NUP107: variants seen among roughly 807,000 people sequenced by gnomAD.
NUP107 encodes the protein nuclear pore complex protein Nup107.
NUP107 carries 101 observed loss-of-function variants against 141.0 expected under a neutral mutation model. The observed-to-expected ratio is 0.72, with a 90% CI of 0.61 to 0.84. The LOEUF (loss-of-function observed/expected upper bound fraction) is 0.84. NUP107 is among the 40% of genes least tolerant of loss of function. The probability of loss-of-function intolerance (pLI) is 0.00; values close to 1 mark genes in which losing one functional copy is unlikely to be tolerated. For missense variants in NUP107, 941 were observed against 1,102.7 expected, an observed-to-expected ratio of 0.85 and a Z score of 2.08; for synonymous variants, 319 against 363.9, an observed-to-expected ratio of 0.88 and a Z score of 1.41.
intron 7 of NUP107, among the ~76,000 whole-genome samples, chr12:68,702,175 G>T (rs796624060): frequency 4.6e-5 from 7 of 152,268 alleles, no homozygotes; most frequent in African/African-American, 1.7e-4. Context: ...TTTTAGTAGA[G>T]ACAGGGTTTT....
chr12:68,690,667 A>C lies in NUP107; in HGVS notation c.224A>C (p.Asp75Ala), dbSNP rs1460286248. 6.2e-7 allele frequency: 1 copy of C among 1,614,036 alleles called. No individual in the cohort carries two copies. Among genetic ancestry groups the C allele is most frequent in the Non-Finnish European group, 8.5e-7 (1 of 1,180,014 alleles). Residue 75 changes from aspartate to alanine, a missense_variant, in exon 4 of 28, where the codon GAT (aspartate) becomes GCT (alanine). By Grantham distance (126) the Asp-to-Ala change is moderately radical. Coordinates refer to ENST00000229179, the MANE Select transcript of NUP107 (RefSeq NM_020401.4). ...PTSRSLLRQPDISCILGTGGK... is the reference protein window; with the variant it reads ...PTSRSLLRQPAISCILGTGGK... ...AGCCGAAGCTTACTAAGGCAGCCAG[A>C]TATTTCCTGCATTCTTGGAACAGGA...
chr12:68,719,674 C>T lies in NUP107; in HGVS notation c.1251+20C>T, dbSNP rs758713933. ...GAAGATGTAAGATAAATAAAATATT[C>T]AGTGATACTGTTTTTAACTCCAATT... is the stretch of plus-strand genomic sequence containing the variant. On this transcript the variant is annotated intron_variant, in intron 14 of 27. Coordinates refer to ENST00000229179, the MANE Select transcript of NUP107 (RefSeq NM_020401.4). The T allele has an allele frequency of 7.2e-6, 11 of 1,525,026 alleles. No homozygotes were observed. The highest frequency in any genetic ancestry group is 1.0e-5 in the Non-Finnish European group (11 of 1,099,720). 94.5% of individuals were successfully genotyped at this position (1,525,026 alleles called of 1,614,324 possible).
At chr12:68,718,983 G>T (rs1877235182) in intron 12 of NUP107, among the ~76,000 whole-genome samples, 2 of 152,100 alleles carry the variant, frequency 1.3e-5, no homozygotes, top group African/African-American at 4.8e-5. Context: ...CTGCCTCCTG[G>T]GTTCAAGCGA....
At chr12:68,697,015 T>G (rs1876100177) in intron 6 of NUP107, 93 bp downstream of exon 6, 1 of 680,854 alleles carries the variant, frequency 1.5e-6, no homozygotes, top group Non-Finnish European at 2.4e-6. Flanking sequence ...TTAAGGGAGG[T>G]GTCTTAGGGG....
chr12:68,706,435 C>T (rs1472277005), intron 8 of NUP107: 15 of 797,358 alleles, frequency 1.9e-5, no homozygotes, highest in Admixed American at 3.7e-5. Context: ...AGGCACCGTA[C>T]GAGGAGATCG....
intron 7 of NUP107, 52 bp downstream of exon 7, chr12:68,700,905 C>T (rs760566861): frequency 6.9e-7 from 1 of 1,450,296 alleles, no homozygotes. Flanking sequence ...AATAAACCAA[C>T]AGGCAAATTA....
intron 8 of NUP107, chr12:68,706,558 T>C: frequency 1.5e-6 from 1 of 680,156 alleles, no homozygotes; most frequent in Non-Finnish European, 2.7e-6. Flanking sequence ...ATCTCCAAGA[T>C]GAACAGGAAC....
At chr12:68,704,343 A>G (rs769131118) in intron 8 of NUP107, among the ~76,000 whole-genome samples, 6 of 152,220 alleles carry the variant, frequency 3.9e-5, no homozygotes, top group African/African-American at 7.2e-5. Flanking sequence ...TCCAAAATAA[A>G]CCAGCTATAT....
intron 17 of NUP107, among the ~76,000 whole-genome samples, chr12:68,724,395 T>G (rs1201924720): frequency 6.6e-6 from 1 of 152,108 alleles, no homozygotes; most frequent in Non-Finnish European, 1.5e-5. Flanking sequence ...ATTCCAAAAT[T>G]AGCATAAAAA....
chr12:68,688,478 C>G (rs913876438), intron 1 of NUP107, among the ~76,000 whole-genome samples: 1 of 152,158 alleles, frequency 6.6e-6, no homozygotes, highest in African/African-American at 2.4e-5. Flanking sequence ...TTCTATCTCA[C>G]AAGCTCTGTT....
intron 8 of NUP107, among the ~76,000 whole-genome samples, chr12:68,704,967 C>G (rs1213566814): frequency 1.3e-5 from 2 of 151,704 alleles, no homozygotes; most frequent in South Asian, 4.2e-4. Context: ...ACTGCAGCCT[C>G]GAACTCTTGG....
At chr12:68,735,954 C>CCAT (rs1878048252) in intron 26 of NUP107, among the ~76,000 whole-genome samples, 1 of 152,132 alleles carries the variant, frequency 6.6e-6, no homozygotes, top group Non-Finnish European at 1.5e-5. Flanking sequence ...GGAACTGGAA[C>CCAT]GTATGCTTGA....
At chr12:68,729,409 A>G (rs996678778) in intron 20 of NUP107, among the ~76,000 whole-genome samples, 1 of 152,084 alleles carries the variant, frequency 6.6e-6, no homozygotes, top group Admixed American at 6.6e-5. Flanking sequence ...TCTACATATA[A>G]TGGATTTATG....
chr12:68,742,294 C>T lies in NUP107; in HGVS notation c.2671-61C>T, dbSNP rs539375972. ...GAAGCTAATCAGATCGATTAGGTAACTAAGTTCATACTTGTCTACTTGTCT... is the reference window on the plus strand; with the variant it reads ...GAAGCTAATCAGATCGATTAGGTAATTAAGTTCATACTTGTCTACTTGTCT... On this transcript the variant is annotated intron_variant, in intron 27 of 27. Transcript: ENST00000229179. The T allele has an allele frequency of 4.1e-5, 45 of 1,084,786 alleles. No homozygotes were observed. In the East Asian group the frequency reaches 1.0e-3, roughly 25 times the overall value. 67.2% of individuals were successfully genotyped at this position (1,084,786 alleles called of 1,614,324 possible).
chr12:68,692,017 G>A lies in NUP107; in HGVS notation c.353G>A (p.Arg118His), dbSNP rs34347775. Residue 118 changes from arginine (R) to histidine (H), a missense_variant, in exon 5 of 28, where the codon CGT becomes CAT. Arg to His is a conservative substitution (Grantham distance 29). Coordinates refer to ENST00000229179, the MANE Select transcript of NUP107 (RefSeq NM_020401.4). ...TGGGCAGCTGCATTTTCATCACAGC[G>A]TTCCGGGCTGTTCACAAACACAGAG... ...SNWAAAFSSQ[R>H]SGLFTNTEPH... 7,601 of 1,610,778 alleles carry A rather than the reference G, an allele frequency of 4.7e-3. 17 individuals are homozygous for A. The highest frequency in any genetic ancestry group is 5.7e-3 in the Non-Finnish European group (6,763 of 1,178,300).
At chr12:68,711,227 T>C (rs1876840503) in intron 10 of NUP107, among the ~76,000 whole-genome samples, 1 of 152,146 alleles carries the variant, frequency 6.6e-6, no homozygotes, top group Non-Finnish European at 1.5e-5. Context: ...GGCGGGCGCC[T>C]GTAGTCCCAG....
intron 19 of NUP107, among the ~76,000 whole-genome samples, chr12:68,726,987 C>T (rs1352243522): frequency 6.6e-6 from 1 of 152,146 alleles, no homozygotes; most frequent in Non-Finnish European, 1.5e-5. Context: ...ACATTTTGGT[C>T]AGAGTGCATG....
intron 26 of NUP107, among the ~76,000 whole-genome samples, chr12:68,737,953 C>T (rs1878147135): frequency 6.6e-6 from 1 of 151,934 alleles, no homozygotes; most frequent in Admixed American, 6.6e-5. Context: ...ACCAGCCTGG[C>T]CAATATGGTG....
At chr12:68,693,297 G>A (rs1293953419) in intron 5 of NUP107, among the ~76,000 whole-genome samples, 5 of 151,886 alleles carry the variant, frequency 3.3e-5, no homozygotes, top group Admixed American at 6.6e-5. Context: ...GGCTGATCTC[G>A]AACTCCTGAC....
Sources: gnomAD v4.1 joint callset for allele counts (sites outside exome capture counted in the v4.1 genomes callset) on GRCh38, gnomAD v4.1.1 for gene constraint, MANE v1.5 for transcripts, NCBI Gene and HGNC (gene_info 2026-07-23, HGNC 2026-07-21) for gene names.